Variants in LRTM1 observed in about 807,000 individuals in gnomAD.
The protein encoded by LRTM1 is leucine rich repeat transmembrane protein 1, also known as leucine-rich repeat and transmembrane domain-containing protein 1.
A neutral mutation model predicts 32.4 loss-of-function variants in LRTM1; 38 were observed. The observed-to-expected ratio is 1.17, with a 90% CI of 0.91 to 1.54. The LOEUF is 1.54. Among genes scored for constraint, LRTM1 ranks in the 40% most tolerant of loss-of-function variants. The pLI is 0.00. For missense variants in LRTM1, 466 were observed against 415.4 expected, an observed-to-expected ratio of 1.12 and a Z score of -1.06; for synonymous variants, 186 against 169.9, an observed-to-expected ratio of 1.09 and a Z score of -0.74.
At chr3:54,955,939 A>T (rs924284166) in intron 1 of LRTM1, among the ~76,000 whole-genome samples, 1 of 152,106 alleles carries the variant, frequency 6.6e-6, no homozygotes, top group Admixed American at 6.5e-5. Flanking sequence ...GAAGAGAAAA[A>T]ATTGGTATTC....
intron 1 of LRTM1, among the ~76,000 whole-genome samples, chr3:54,954,853 A>G (rs556830714): frequency 6.6e-6 from 1 of 152,200 alleles, no homozygotes; most frequent in African/African-American, 2.4e-5. Context: ...AAGAAGAACA[A>G]CTGGGTTTCA....
intron 1 of LRTM1, among the ~76,000 whole-genome samples, chr3:54,966,041 C>T (rs1408068701): frequency 6.6e-6 from 1 of 152,100 alleles, no homozygotes; most frequent in Admixed American, 6.5e-5. Flanking sequence ...CAGATGAGAA[C>T]AGACTGCAAG....
upstream of LRTM1, among the ~76,000 whole-genome samples, chr3:54,930,716 T>C (rs1364009681): frequency 6.6e-6 from 1 of 152,226 alleles, no homozygotes; most frequent in African/African-American, 2.4e-5. Flanking sequence ...ATCTGTAGAA[T>C]GTAGATAATA....
At chr3:54,959,802 T>C (rs1337492309) in intron 1 of LRTM1, among the ~76,000 whole-genome samples, 1 of 152,176 alleles carries the variant, frequency 6.6e-6, no homozygotes, top group Admixed American at 6.5e-5. Flanking sequence ...TGAAGAACTT[T>C]GTGAGCATAA....
intron 1 of LRTM1, among the ~76,000 whole-genome samples, chr3:54,964,535 GAAAGAACAA>G (rs1438652010): frequency 2.0e-5 from 3 of 152,090 alleles, no homozygotes; most frequent in African/African-American, 7.2e-5. Flanking sequence ...AAATGTTGCT[GAAAGAACAA>G]AATAGACGGG....
chr3:54,943,119 T>C (rs891055949), intron 1 of LRTM1, among the ~76,000 whole-genome samples: 2 of 151,750 alleles, frequency 1.3e-5, no homozygotes, highest in African/African-American at 4.8e-5. Flanking sequence ...AGAGGATCAC[T>C]TGAACCCAGG....
chr3:54,939,100 G>C (rs1559637901), intron 1 of LRTM1, among the ~76,000 whole-genome samples: 1 of 152,202 alleles, frequency 6.6e-6, no homozygotes, highest in African/African-American at 2.4e-5. Flanking sequence ...CTTTTCCTCT[G>C]TCTAGATATC....
intron 1 of LRTM1, among the ~76,000 whole-genome samples, chr3:54,960,463 A>T (rs1046861103): frequency 6.6e-6 from 1 of 152,200 alleles, no homozygotes; most frequent in African/African-American, 2.4e-5. Flanking sequence ...CTAAAATATG[A>T]GGTGTTTCTG....
upstream of LRTM1, among the ~76,000 whole-genome samples, chr3:54,931,472 G>A (rs1701190718): frequency 6.6e-6 from 1 of 152,102 alleles, no homozygotes; most frequent in Admixed American, 6.5e-5. Context: ...CCCTCCCGTG[G>A]TGAGCAGATC....
intron 1 of LRTM1, among the ~76,000 whole-genome samples, chr3:54,937,387 G>T (rs926808681): frequency 6.6e-6 from 1 of 152,154 alleles, no homozygotes; most frequent in Non-Finnish European, 1.5e-5. Context: ...GAGGGGGATT[G>T]GTTCCAGCAA....
At chr3:54,955,367 T>TCCCA (rs1701861494) in intron 1 of LRTM1, among the ~76,000 whole-genome samples, 2 of 152,284 alleles carry the variant, frequency 1.3e-5, no homozygotes, top group South Asian at 4.1e-4. Flanking sequence ...TGGTGATGAC[T>TCCCA]CCCACTCTCT....
rs1701982399 is a variant in LRTM1, at chr3:54,959,582, A to C, written c.-222+7346T>G. On this transcript the variant is annotated intron_variant, in intron 1 of 2. Coordinates refer to the LRTM1 transcript ENST00000493075. ...CAATTTTGTTATGGTCTCTTTAGTA[A>C]CTGTTATTAGGTGGTGACCTAATAA... 1.3e-5 allele frequency among the ~76,000 whole-genome samples: 2 copies of C among 152,184 alleles called. 1 individual carries two copies. Among genetic ancestry groups the C allele is most frequent in the South Asian group, 4.1e-4 (2 of 4,828 alleles).
At position 54,918,661 on chromosome 3, in the gene LRTM1, G is replaced by A. The variant is rs138683728; in HGVS notation, c.836C>T (p.Pro279Leu). 8.6e-5 allele frequency: 139 copies of A among 1,614,146 alleles called. No individual in the cohort carries two copies. In the African/African-American group the frequency reaches 1.5e-3, roughly 18 times the overall value. Residue 279 changes from proline (P) to leucine (L), a missense_variant, in exon 3 of 3, where the codon CCG becomes CTG. Pro to Leu is a moderately conservative substitution (Grantham distance 98). Coordinates refer to ENST00000273286, the MANE Select transcript of LRTM1 (RefSeq NM_020678.4). ...GGCAATGGCATGACGCAGGTTGGCCGGCCTTGGCTTGGGTTTGAGCTCGCA... is the reference window on the plus strand; with the variant it reads ...GGCAATGGCATGACGCAGGTTGGCCAGCCTTGGCTTGGGTTTGAGCTCGCA... ...LECELKPKPR[P>L]ANLRHAIATV... is the part of the protein sequence containing the mutation.
Position 54,925,174 on chromosome 3 carries a change from C to G in LRTM1, c.49G>C (p.Val17Leu), listed in dbSNP as rs377265977. The G allele has an allele frequency of 1.7e-5, 27 of 1,613,906 alleles. No individual in the cohort carries two copies. Among genetic ancestry groups the G allele is most frequent in the Non-Finnish European group, 2.2e-5 (26 of 1,179,990 alleles). ...LFSSVIVLLQ[V>L]VCSCPDKCYC... ...CACTTGTCCGGGCAGCTGCATACCA[C>G]CTGGAGCAGGACAATCACACTGGAA... Residue 17 changes from valine to leucine, a missense_variant, in exon 2 of 3, where the codon GTG (valine) becomes CTG (leucine). By Grantham distance (32) the Val-to-Leu change is conservative (BLOSUM62 1). Transcript: ENST00000273286.
At chr3:54,965,707 A>G (rs1414135100) in intron 1 of LRTM1, among the ~76,000 whole-genome samples, 1 of 152,218 alleles carries the variant, frequency 6.6e-6, no homozygotes, top group Non-Finnish European at 1.5e-5. Context: ...CAAACCCCAG[A>G]TATGCCACAG....
chr3:54,936,364 G>A (rs767756709), intron 1 of LRTM1, among the ~76,000 whole-genome samples: 1 of 152,166 alleles, frequency 6.6e-6, no homozygotes, highest in Non-Finnish European at 1.5e-5. Flanking sequence ...AAGCCTTTGT[G>A]TGTGTGCCTA....
rs752756975 is a variant in LRTM1 at position 54,924,777 on chromosome 3, G to T, written c.446C>A (p.Thr149Asn). 6.2e-7 allele frequency: 1 copy of T among 1,614,122 alleles called. No homozygotes were observed. Among genetic ancestry groups the T allele is most frequent in the East Asian group, 2.2e-5 (1 of 44,860 alleles). ...TSLGETWENL[T>N]ILAVQQNQLQ... ...CTGGTTTTGTTGAACCGCAAGTATA[G>T]TTAGGTTCTCCCAAGTCTCTCCCAA... The change falls in exon 2 of 3, where the codon ACT becomes AAT. Residue 149 changes from threonine to asparagine, a missense_variant. Physicochemically the swap from Thr to Asn is moderately conservative, Grantham distance 65. Transcript: ENST00000273286.
chr3:54,950,784 C>A (rs1007301908), intron 1 of LRTM1, among the ~76,000 whole-genome samples: 1 of 152,044 alleles, frequency 6.6e-6, no homozygotes. Flanking sequence ...TTGATCGGGG[C>A]CAAAATAAAC....
chr3:54,927,186 A>C (rs1036598909), intron 1 of LRTM1, among the ~76,000 whole-genome samples: 1 of 152,210 alleles, frequency 6.6e-6, no homozygotes, highest in African/African-American at 2.4e-5. Context: ...GCTGTCATGC[A>C]CTTGAGCCTT....
Sources: allele counts gnomAD v4.1 joint callset (sites outside exome capture counted in the v4.1 genomes callset), GRCh38; gene constraint gnomAD v4.1.1; transcripts MANE v1.5; gene names NCBI Gene and HGNC (gene_info 2026-07-23, HGNC 2026-07-21).